KLF12: variants seen among roughly 807,000 people sequenced by gnomAD.
KLF12 encodes the protein Krueppel-like factor 12.
KLF12 carries 9 observed loss-of-function variants against 37.8 expected under a neutral mutation model. That is an observed-to-expected ratio of 0.24 (90% CI 0.14 to 0.42). The LOEUF (loss-of-function observed/expected upper bound fraction) is 0.42. Ranked by LOEUF, KLF12 falls within the 10% of genes least tolerant of loss-of-function variation. The probability of loss-of-function intolerance (pLI) is 1.00; values close to 1 mark genes in which losing one functional copy is unlikely to be tolerated. For missense variants in KLF12, 411 were observed against 516.0 expected (o/e 0.80, Z 1.97); for synonymous variants, 208 against 202.1 (o/e 1.03, Z -0.25).
chr13:74,240,994 C>T, the KLF12 span, among the ~76,000 whole-genome samples: 10 of 152,136 alleles, frequency 6.6e-5, no homozygotes, highest in South Asian at 1.5e-3. Context: ...TGAGGAACTG[C>T]GTTCCTTTGG....
the KLF12 span, among the ~76,000 whole-genome samples, chr13:74,241,141 T>C: frequency 1.8e-3 from 274 of 152,038 alleles, 1 homozygote; most frequent in African/African-American, 6.1e-3. Context: ...GTCCTTTCTG[T>C]TTGTTAGTTT....
intron 3 of KLF12, among the ~76,000 whole-genome samples, chr13:73,899,296 G>T (rs554207556): frequency 6.6e-6 from 1 of 152,292 alleles, no homozygotes; most frequent in South Asian, 2.1e-4. Flanking sequence ...AGACTATGAA[G>T]TGTATCTCAT....
At chr13:73,967,627 G>A (rs1024264) in intron 2 of KLF12, among the ~76,000 whole-genome samples, 14,428 of 152,208 alleles carry the variant, frequency 0.095, 841 homozygotes, top group Admixed American at 0.19. Context: ...CATAAGGCAG[G>A]TCTGTCTCTT....
intron 1 of KLF12, among the ~76,000 whole-genome samples, chr13:74,124,321 CA>C (rs1877812726): frequency 6.6e-6 from 1 of 152,182 alleles, no homozygotes; most frequent in Admixed American, 6.5e-5. Flanking sequence ...TCCCTTCAAG[CA>C]ACACTTCTGA....
intron 1 of KLF12, among the ~76,000 whole-genome samples, chr13:74,032,781 T>A (rs1276974716): frequency 1.3e-5 from 2 of 152,174 alleles, no homozygotes; most frequent in African/African-American, 4.8e-5. Context: ...ATCTTATACT[T>A]CTTCTTTGCT....
chr13:73,945,443 T>C (rs1354493152), intron 2 of KLF12, among the ~76,000 whole-genome samples: 1 of 150,722 alleles, frequency 6.6e-6, no homozygotes, highest in East Asian at 2.0e-4. Flanking sequence ...CACTCCAGCC[T>C]GGGGAACAAG....
chr13:73,828,248 T>C (rs909574376), intron 4 of KLF12, among the ~76,000 whole-genome samples: 2 of 152,194 alleles, frequency 1.3e-5, no homozygotes, highest in African/African-American at 2.4e-5. Flanking sequence ...TTTAGGGAAC[T>C]CATGCTTGAC....
At chr13:73,706,616 G>A (rs984261586) in intron 7 of KLF12, among the ~76,000 whole-genome samples, 6 of 152,170 alleles carry the variant, frequency 3.9e-5, no homozygotes, top group African/African-American at 1.4e-4. Flanking sequence ...TGTTGGAGGT[G>A]GCACTGAAAC....
intron 3 of KLF12, among the ~76,000 whole-genome samples, chr13:73,875,664 T>G (rs1886669769): frequency 6.6e-6 from 1 of 152,178 alleles, no homozygotes; most frequent in Non-Finnish European, 1.5e-5. Flanking sequence ...TTTTCCTGCT[T>G]GACAAAAATA....
intron 6 of KLF12, among the ~76,000 whole-genome samples, chr13:73,735,245 C>T (rs1170666140): frequency 1.3e-5 from 2 of 151,758 alleles, no homozygotes; most frequent in East Asian, 1.9e-4. Flanking sequence ...CTGCAGTGAG[C>T]TATGATTGTG....
chr13:74,227,003 T>C, the KLF12 span, among the ~76,000 whole-genome samples: 4 of 152,294 alleles, frequency 2.6e-5, no homozygotes, highest in African/African-American at 9.6e-5. Flanking sequence ...GCTCAGACTC[T>C]TTGTCTTAAT....
intron 6 of KLF12, among the ~76,000 whole-genome samples, chr13:73,734,747 A>C (rs968206853): frequency 2.0e-5 from 3 of 152,206 alleles, no homozygotes; most frequent in African/African-American, 4.8e-5. Context: ...TGTGCTATGA[A>C]GTTAATATAC....
intron 2 of KLF12, among the ~76,000 whole-genome samples, chr13:73,983,559 C>T (rs1022370582): frequency 1.1e-4 from 16 of 152,358 alleles, no homozygotes; most frequent in Admixed American, 2.0e-4. Context: ...CAAACTATTG[C>T]TATCATTCTT....
chr13:74,256,880 T>G, the KLF12 span: 404 of 152,334 alleles, frequency 2.7e-3, no homozygotes, highest in African/African-American at 9.1e-3. Flanking sequence ...CCTGAAGACA[T>G]ATTTTCATAT....
intron 6 of KLF12, among the ~76,000 whole-genome samples, chr13:73,763,303 T>C (rs1176878801): frequency 6.6e-6 from 1 of 152,142 alleles, no homozygotes; most frequent in African/African-American, 2.4e-5. Flanking sequence ...GTATGTGACA[T>C]CACACACACA....
intron 3 of KLF12, among the ~76,000 whole-genome samples, chr13:73,891,690 C>T (rs1594217701): frequency 6.6e-6 from 1 of 152,068 alleles, no homozygotes. Context: ...GGTAGGTATA[C>T]TGTTTATATA....
At chr13:73,922,512 ATTTG>A (rs1469461842) in intron 3 of KLF12, among the ~76,000 whole-genome samples, 1 of 152,166 alleles carries the variant, frequency 6.6e-6, no homozygotes, top group Non-Finnish European at 1.5e-5. Flanking sequence ...ATTTTATACA[ATTTG>A]TTTATTAATT....
the KLF12 span, among the ~76,000 whole-genome samples, chr13:74,240,152 C>T: frequency 6.6e-6 from 1 of 152,064 alleles, no homozygotes; most frequent in African/African-American, 2.4e-5. Flanking sequence ...GTGACAAAGT[C>T]TCTCAGCATT....
At chr13:73,836,461 T>C (rs1237752784) in intron 4 of KLF12, among the ~76,000 whole-genome samples, 1 of 152,198 alleles carries the variant, frequency 6.6e-6, no homozygotes, top group East Asian at 1.9e-4. Flanking sequence ...TTGAATCTCA[T>C]ATTCTTCCTT....
Sources: gnomAD v4.1 joint callset for allele counts (sites outside exome capture counted in the v4.1 genomes callset) on GRCh38, gnomAD v4.1.1 for gene constraint, MANE v1.5 for transcripts, NCBI Gene and HGNC (gene_info 2026-07-23, HGNC 2026-07-21) for gene names.